The following LRCH4 variants were observed in gnomAD, a reference collection of about 807,000 sequenced individuals.
The protein encoded by LRCH4 is leucine-rich repeat and calponin homology domain-containing protein 4.
A neutral mutation model predicts 81.2 loss-of-function variants in LRCH4; 56 were observed. That is an observed-to-expected ratio of 0.69 (90% CI 0.56 to 0.86). The LOEUF (loss-of-function observed/expected upper bound fraction) is 0.86, where lower values mean the gene tolerates loss of function less well. Among genes scored for constraint, LRCH4 ranks in the 40% least tolerant of loss-of-function variants. LRCH4 has a pLI of 0.00. For synonymous variants in LRCH4, 442 were observed against 409.7 expected, an observed-to-expected ratio of 1.08 and a Z score of -0.95; for missense variants, 895 against 922.8, an observed-to-expected ratio of 0.97 and a Z score of 0.39.
In LRCH4 at chr7:100,575,572, T is replaced by C; in HGVS notation, c.1854+133A>G. 1 of 1,129,594 alleles carries C rather than the reference T, an allele frequency of 8.9e-7. No individual in the cohort carries two copies. The highest frequency in any genetic ancestry group is 1.3e-6 in the Non-Finnish European group (1 of 743,636). 70.0% of individuals were successfully genotyped at this position (1,129,594 alleles called of 1,614,324 possible). On this transcript the variant is annotated intron_variant, in intron 17 of 17. Coordinates refer to ENST00000310300, the MANE Select transcript of LRCH4 (RefSeq NM_002319.5). This position sits in a 1 kb window ranked among gnomAD's most constrained non-coding sequence, Gnocchi z 5.3. ...CAGGGGGCATGCAGGGCAGGGGGCA[T>C]GCTGGGCAGGGCAGGGGCAGCCTGT...
Position 100,583,899 on chromosome 7 carries a change from A to G in LRCH4, c.221-1440T>C. 1 of 293,458 alleles carries G rather than the reference A, an allele frequency of 3.4e-6. No homozygotes were observed. 18.2% of individuals were successfully genotyped at this position (293,458 alleles called of 1,614,324 possible). ...TGGGGTAGGCGGTGGCGGGGACAAAAGCTAGGAGCGGAAGGGAGCTCAGGC... is the reference window on the plus strand; with the variant it reads ...TGGGGTAGGCGGTGGCGGGGACAAAGGCTAGGAGCGGAAGGGAGCTCAGGC... On this transcript the variant is annotated intron_variant, in intron 1 of 17. Transcript: ENST00000310300. This position sits in a 1 kb window ranked among gnomAD's most constrained non-coding sequence, Gnocchi z 4.3.
At position 100,577,426 on chromosome 7, in the gene LRCH4, G is replaced by A. The variant is rs1369714698; in HGVS notation, c.1179-37C>T. The A allele has an allele frequency of 8.7e-6, 14 of 1,600,658 alleles. No individual in the cohort carries two copies. The highest frequency in any genetic ancestry group is 2.7e-5 in the African/African-American group (2 of 74,928). Reference sequence around the variant, plus strand: ...AGACAGGGCAAGAGGGGCAGACCCCGGGGTCAGGGAAGGAGGCGGTTGGGG... The same window carrying A: ...AGACAGGGCAAGAGGGGCAGACCCCAGGGTCAGGGAAGGAGGCGGTTGGGG... On this transcript the variant is annotated intron_variant, in intron 10 of 17. Transcript: ENST00000310300. The surrounding 1 kb of genome is among the most constrained non-coding windows in gnomAD (Gnocchi z 6.7).
Position 100,578,260 on chromosome 7 carries a change from TG to T in LRCH4, c.849-3del, listed in dbSNP as rs757976266. 6 of 1,613,808 alleles carry T rather than the reference TG, an allele frequency of 3.7e-6. No homozygotes were observed. The Admixed American group carries it at 1.0e-4, about 27-fold the overall frequency. ...CCCGGAAATAGATCCTCTGCAGGGC[TG>T]GGGCCAGCCAGGCGGATCTGGTCAG... On this transcript the variant is annotated splice_polypyrimidine_tract_variant and splice_region_variant and intron_variant, in intron 6 of 17. Transcript: ENST00000310300. The surrounding 1 kb of genome is among the most constrained non-coding windows in gnomAD (Gnocchi z 5.7).
In LRCH4 at chr7:100,583,577, A is replaced by G. The variant is rs1172999157; in HGVS notation, c.221-1118T>C. Among the ~76,000 whole-genome samples the G allele has an allele frequency of 6.6e-6, 1 of 152,198 alleles. No individual in the cohort carries two copies. Among genetic ancestry groups the G allele is most frequent in the East Asian group, 1.9e-4 (1 of 5,176 alleles). ...GAAGCCGGGTATATCCCCCAAGGAA[A>G]TGAGTCTTGTGACAGGAAATGAAGT... On this transcript the variant is annotated intron_variant, in intron 1 of 17. Transcript: ENST00000310300. The surrounding 1 kb of genome is among the most constrained non-coding windows in gnomAD (Gnocchi z 4.3).
chr7:100,578,862 C>A lies in LRCH4; in HGVS notation c.599-76G>T, dbSNP rs1416186544. 2.0e-6 allele frequency: 3 copies of A among 1,527,838 alleles called. No homozygotes were observed. The African/African-American group carries it at 4.1e-5, about 21-fold the overall frequency. 94.6% of individuals were successfully genotyped at this position (1,527,838 alleles called of 1,614,324 possible). A position where few individuals can be genotyped will look rare whatever the true frequency, so the allele number is the denominator to read the frequency against. On this transcript the variant is annotated intron_variant, in intron 4 of 17. Coordinates refer to ENST00000310300, the MANE Select transcript of LRCH4 (RefSeq NM_002319.5). This position sits in a 1 kb window ranked among gnomAD's most constrained non-coding sequence, Gnocchi z 5.7. ...CTCGTGCTCACTCCCTCACCCTTGG[C>A]TCCAGCTGGCCAGTCACCCTGGGCC...
At chr7:100,576,547 A>G (rs758230091) in intron 14 of LRCH4, 147 bp downstream of exon 14, 44 of 743,954 alleles carry the variant, frequency 5.9e-5, no homozygotes, top group Non-Finnish European at 9.5e-5. Context: ...TACAGGTGTG[A>G]GCCACCACAC....
intron 3 of LRCH4, 48 bp downstream of exon 3, chr7:100,581,993 C>T (rs748546918): frequency 3.2e-5 from 51 of 1,600,120 alleles, no homozygotes; most frequent in Admixed American, 2.9e-4. Context: ...TAGAAGGTCC[C>T]GCTGCCTGGC....
chr7:100,580,870 A>T (rs892519592), intron 4 of LRCH4: 6 of 151,680 alleles, frequency 4.0e-5, no homozygotes, highest in Non-Finnish European at 5.9e-5. Flanking sequence ...ACATACACAA[A>T]CACATACATA....
At position 100,582,407 on chromosome 7, in the gene LRCH4, C is replaced by T. The variant is rs985560028; in HGVS notation, c.273G>A (p.Val91=). Residue 91 remains valine, a synonymous_variant, in exon 2 of 18, where the codon GTG becomes GTA. Coordinates refer to ENST00000310300, the MANE Select transcript of LRCH4 (RefSeq NM_002319.5). This position sits in a 1 kb window ranked among gnomAD's most constrained non-coding sequence, Gnocchi z 5.0. ...PEVPEAACQL[V]SLEGLSLYHN... ...GGTAGAGGCTCAGGCCCTCCAGGGACACCAGCTGGCACGCCGCCTCGGGCA... is the reference window on the plus strand; with the variant it reads ...GGTAGAGGCTCAGGCCCTCCAGGGATACCAGCTGGCACGCCGCCTCGGGCA... The T allele has an allele frequency of 6.2e-7, 1 of 1,613,634 alleles. No individual in the cohort carries two copies. Among genetic ancestry groups the T allele is most frequent in the Non-Finnish European group, 8.5e-7 (1 of 1,180,010 alleles).
In LRCH4 at chr7:100,583,598, G is replaced by T. The variant is rs1488705623; in HGVS notation, c.221-1139C>A. On this transcript the variant is annotated intron_variant, in intron 1 of 17. Transcript: ENST00000310300. This position sits in a 1 kb window ranked among gnomAD's most constrained non-coding sequence, Gnocchi z 4.3. Reference sequence around the variant, plus strand: ...GGAAATGAGTCTTGTGACAGGAAATGAAGTAGAAACAATCTGTCAGGTTCT... The same window carrying T: ...GGAAATGAGTCTTGTGACAGGAAATTAAGTAGAAACAATCTGTCAGGTTCT... Among the ~76,000 whole-genome samples, 1 of 152,222 alleles carries T rather than the reference G, an allele frequency of 6.6e-6. No individual in the cohort carries two copies. The highest frequency in any genetic ancestry group is 2.4e-5 in the African/African-American group (1 of 41,456).
At chr7:100,580,891 C>T (rs1584408545) in intron 4 of LRCH4, 1 of 152,182 alleles carries the variant, frequency 6.6e-6, no homozygotes, top group African/African-American at 2.4e-5. Context: ...CACACAGACA[C>T]ACACATGCAC....
Position 100,577,999 on chromosome 7 carries a change from G to GCAGAGACCCTGAGCTTA in LRCH4, c.949-88_949-87insTAAGCTCAGGGTCTCTG. The GCAGAGACCCTGAGCTTA allele has an allele frequency of 7.4e-7, 1 of 1,343,384 alleles. No individual in the cohort carries two copies. 83.2% of individuals were successfully genotyped at this position (1,343,384 alleles called of 1,614,324 possible). A position where few individuals can be genotyped will look rare whatever the true frequency, so the allele number is the denominator to read the frequency against. The stretch of plus-strand genomic sequence containing the variant: ...GGGGTCCTGTGTGGGACTAAGCTCA[G>GCAGAGACCCTGAGCTTA]GGTCTCTGCTGAGCCAGCCCTTCCC... On this transcript the variant is annotated intron_variant, in intron 7 of 17. Coordinates refer to ENST00000310300, the MANE Select transcript of LRCH4 (RefSeq NM_002319.5). This position sits in a 1 kb window ranked among gnomAD's most constrained non-coding sequence, Gnocchi z 6.7.
In LRCH4 at chr7:100,574,936, G is replaced by C. The variant is rs74987581; in HGVS notation, c.*171C>G. ...CTACTGGAGGGAGGCCAGAGGCTGGGGGCCCAGGGTCTGGGGGCACCAGAG... is the reference window on the plus strand; with the variant it reads ...CTACTGGAGGGAGGCCAGAGGCTGGCGGCCCAGGGTCTGGGGGCACCAGAG... On this transcript the variant is annotated 3_prime_UTR_variant, in exon 18 of 18. Transcript: ENST00000310300. 27 of 630,112 alleles carry C rather than the reference G, an allele frequency of 4.3e-5. No individual in the cohort carries two copies. The highest frequency in any genetic ancestry group is 6.3e-5 in the Non-Finnish European group (23 of 367,844). The allele number at this position is 630,112 out of a possible 1,614,324, so 39.0% of individuals were successfully genotyped here. A position where few individuals can be genotyped will look rare whatever the true frequency, so the allele number is the denominator to read the frequency against.
Position 100,576,945 on chromosome 7 carries a change from GGCGGGGGCTCCCT to G in LRCH4, c.1412_1424del (p.Gln471ProfsTer12). The G allele has an allele frequency of 6.3e-7, 1 of 1,575,748 alleles. No individual in the cohort carries two copies. The highest frequency in any genetic ancestry group is 8.6e-7 in the Non-Finnish European group (1 of 1,159,060). On this transcript the variant is annotated frameshift_variant, in exon 13 of 18. Coordinates refer to ENST00000310300, the MANE Select transcript of LRCH4 (RefSeq NM_002319.5). LOFTEE classifies it high-confidence loss of function. ...GGGGCTCTTGGGAGGCAGGGGCAGG[GGCGGGGGCTCCCT>G]GCCCCGCTGCAGCCCCTGCTTGGGA...
chr7:100,577,631 C>T lies in LRCH4; in HGVS notation c.1116+33G>A, dbSNP rs771558336. The T allele has an allele frequency of 1.9e-6, 3 of 1,612,668 alleles. No individual in the cohort carries two copies. The highest frequency in any genetic ancestry group is 2.5e-6 in the Non-Finnish European group (3 of 1,179,736). ...CTGCCCTGTCCCCTCCTCCAGCTCC[C>T]CTCCCTTGGGAGAGGCATAGCTGGG... On this transcript the variant is annotated intron_variant, in intron 9 of 17. Coordinates refer to ENST00000310300, the MANE Select transcript of LRCH4 (RefSeq NM_002319.5). This position sits in a 1 kb window ranked among gnomAD's most constrained non-coding sequence, Gnocchi z 6.7.
Position 100,582,422 on chromosome 7 carries a change from C to A in LRCH4, c.258G>T (p.Ala86=). 1 of 1,612,834 alleles carries A rather than the reference C, an allele frequency of 6.2e-7. No individual in the cohort carries two copies. Among genetic ancestry groups the A allele is most frequent in the Non-Finnish European group, 8.5e-7 (1 of 1,179,982 alleles). Residue 86 remains alanine, a synonymous_variant, in exon 2 of 18, where the codon GCG becomes GCT. Transcript: ENST00000310300. The surrounding 1 kb of genome is among the most constrained non-coding windows in gnomAD (Gnocchi z 5.0). ...SRNRFPEVPE[A]ACQLVSLEGL... is the part of the protein sequence containing the mutation. ...CCTCCAGGGACACCAGCTGGCACGC[C>A]GCCTCGGGCACCTCGGGAAACCGGT...
chr7:100,577,046 AG>A lies in LRCH4; in HGVS notation c.1364+39del, dbSNP rs1801386953. The A allele has an allele frequency of 3.1e-6, 5 of 1,614,036 alleles. No homozygotes were observed. On this transcript the variant is annotated intron_variant, in intron 12 of 17. Transcript: ENST00000310300. This position sits in a 1 kb window ranked among gnomAD's most constrained non-coding sequence, Gnocchi z 6.7. ...AGGGAATTAGAGGGATGATGGTCAT[AG>A]GAAGAGGAGTGGGGAGGGGATGCTG... is the stretch of plus-strand genomic sequence containing the variant.
At chr7:100,584,555 G>A (rs1315684310) in intron 1 of LRCH4, 1 of 383,528 alleles carries the variant, frequency 2.6e-6, no homozygotes, top group Admixed American at 3.1e-5. Context: ...CCAAGGGGGA[G>A]GGGAAGGGAA....
Position 100,582,603 on chromosome 7 carries a change from C to G in LRCH4, c.221-144G>C. On this transcript the variant is annotated intron_variant, in intron 1 of 17. Transcript: ENST00000310300. The surrounding 1 kb of genome is among the most constrained non-coding windows in gnomAD (Gnocchi z 5.0). ...CAATGTGGCCTCCCAGGAGAGATAA[C>G]AAAGCCTTCTGCCAACGGGAGCACA... is the stretch of plus-strand genomic sequence containing the variant. The G allele has an allele frequency of 1.2e-6, 1 of 835,966 alleles. No homozygotes were observed. Among genetic ancestry groups the G allele is most frequent in the Non-Finnish European group, 1.9e-6 (1 of 540,260 alleles). 51.8% of individuals were successfully genotyped at this position (835,966 alleles called of 1,614,324 possible).
Sources: allele counts gnomAD v4.1 joint callset (sites outside exome capture counted in the v4.1 genomes callset), GRCh38; gene constraint gnomAD v4.1.1; non-coding constraint Gnocchi (gnomAD v3.1); transcripts MANE v1.5; gene names NCBI Gene and HGNC (gene_info 2026-07-23, HGNC 2026-07-21).